Variants in PI4KB observed in about 807,000 individuals in gnomAD.
The protein encoded by PI4KB is phosphatidylinositol 4-kinase beta, also known as PtdIns 4-kinase beta.
PI4KB carries 23 observed loss-of-function variants against 81.4 expected under a neutral mutation model. The observed-to-expected ratio is 0.28, with a 90% CI of 0.20 to 0.40. The LOEUF (loss-of-function observed/expected upper bound fraction) is 0.40, where lower values mean the gene tolerates loss of function less well. PI4KB is among the 10% of genes least tolerant of loss of function. The pLI, the probability that PI4KB is intolerant of heterozygous loss-of-function variation, is 1.00. For synonymous variants in PI4KB, 381 were observed against 406.8 expected (o/e 0.94, Z 0.76); for missense variants, 651 against 1,036.6 (o/e 0.63, Z 5.11).
intron 1 of PI4KB, among the ~76,000 whole-genome samples, 173 bp downstream of exon 1, chr1:151,327,098 G>T (rs1002403692): frequency 2.0e-5 from 3 of 152,136 alleles, no homozygotes; most frequent in Non-Finnish European, 2.9e-5. Flanking sequence ...AGCGGAGGAG[G>T]ACCCCAGGCC....
At chr1:151,300,217 T>C (rs1157489278) in intron 8 of PI4KB, among the ~76,000 whole-genome samples, 2 of 152,244 alleles carry the variant, frequency 1.3e-5, no homozygotes, top group Non-Finnish European at 2.9e-5. Context: ...AAATTGGTCT[T>C]CCATGTGCCT....
chr1:151,305,455 C>T (rs1695677611), intron 5 of PI4KB, among the ~76,000 whole-genome samples: 1 of 152,204 alleles, frequency 6.6e-6, no homozygotes, highest in South Asian at 2.1e-4. Context: ...CTTTCAATTC[C>T]TATAATGGCC....
At position 151,303,536 on chromosome 1, in the gene PI4KB, C is replaced by T; in HGVS notation, c.1520+5G>A. ...AAAATGAGGGGCAATGTGATCTGGC[C>T]ATACCGGATGTCCCCTGCTGCAATG... On this transcript the variant is annotated splice_donor_5th_base_variant and intron_variant, in intron 6 of 11. Coordinates refer to ENST00000368873, the MANE Select transcript of PI4KB (RefSeq NM_001369623.2). 1 of 1,573,028 alleles carries T rather than the reference C, an allele frequency of 6.4e-7. No individual in the cohort carries two copies. The highest frequency in any genetic ancestry group is 8.8e-7 in the Non-Finnish European group (1 of 1,142,566).
In PI4KB at chr1:151,316,085, G is replaced by A; in HGVS notation, c.397C>T (p.Leu133=). Reference sequence around the variant, plus strand: ...ATGTCAAACAGTTTTGACTCAAACAGCCTCAGCAGCCAAGACTGTTTAGCT... The same window carrying A: ...ATGTCAAACAGTTTTGACTCAAACAACCTCAGCAGCCAAGACTGTTTAGCT... The part of the protein sequence containing the change: ...NSAKQSWLLR[L]FESKLFDISM... The change falls in exon 2 of 12, where the codon CTG becomes TTG. Residue 133 remains leucine, a synonymous_variant. Coordinates refer to ENST00000368873, the MANE Select transcript of PI4KB (RefSeq NM_001369623.2). 1 of 1,614,132 alleles carries A rather than the reference G, an allele frequency of 6.2e-7. No individual in the cohort carries two copies. The highest frequency in any genetic ancestry group is 8.5e-7 in the Non-Finnish European group (1 of 1,180,032).
At chr1:151,294,245 TC>T in intron 10 of PI4KB, 107 bp from the exon 11 acceptor site, 2 of 1,500,328 alleles carry the variant, frequency 1.3e-6, no homozygotes. Context: ...CCCTGTTATT[TC>T]CCCCTTCCTT....
chr1:151,293,248 G>A (rs1443366222), intron 11 of PI4KB: 1 of 985,202 alleles, frequency 1.0e-6, no homozygotes, highest in Non-Finnish European at 1.2e-6. Flanking sequence ...GAGGGCATGT[G>A]GGCAGAGGAA....
chr1:151,318,869 A>C (rs1014922371), intron 1 of PI4KB, among the ~76,000 whole-genome samples: 2 of 152,152 alleles, frequency 1.3e-5, no homozygotes, highest in African/African-American at 4.8e-5. Context: ...GGCAGCTCTA[A>C]AACAACCATC....
Position 151,316,583 on chromosome 1 carries a change from G to C in PI4KB, c.-28-74C>G, listed in dbSNP as rs150626797. 8.7e-5 allele frequency: 94 copies of C among 1,081,226 alleles called. 1 individual carries two copies. In the African/African-American group the frequency reaches 1.2e-3, roughly 14 times the overall value. 67.0% of individuals were successfully genotyped at this position (1,081,226 alleles called of 1,614,324 possible). On this transcript the variant is annotated intron_variant, in intron 1 of 11. Coordinates refer to ENST00000368873, the MANE Select transcript of PI4KB (RefSeq NM_001369623.2). Reference sequence around the variant, plus strand: ...ACATTGGTTAGTGGTGCCATCCTCAGATCTTCCCTTTGCTATGACACCTTC... The same window carrying C: ...ACATTGGTTAGTGGTGCCATCCTCACATCTTCCCTTTGCTATGACACCTTC...
upstream of PI4KB, chr1:151,327,675 G>A: frequency 6.0e-6 from 2 of 332,384 alleles, no homozygotes; most frequent in Admixed American, 4.9e-5. Flanking sequence ...CGGGTGAGCT[G>A]CCTGGAACAT....
intron 1 of PI4KB, chr1:151,324,928 A>T (rs1467479637): frequency 1.0e-6 from 1 of 983,452 alleles, no homozygotes; most frequent in East Asian, 1.1e-4. Flanking sequence ...CTAAGAAGAA[A>T]GCAGGGAAAT....
chr1:151,322,429 A>G (rs565246629), intron 1 of PI4KB, among the ~76,000 whole-genome samples: 1 of 152,180 alleles, frequency 6.6e-6, no homozygotes, highest in Non-Finnish European at 1.5e-5. Flanking sequence ...ATTCCAGGCA[A>G]ACAACTTTCT....
Position 151,315,738 on chromosome 1 carries a change from A to G in PI4KB, c.744T>C (p.Ala248=). 2 of 1,613,908 alleles carry G rather than the reference A, an allele frequency of 1.2e-6. No homozygotes were observed. The highest frequency in any genetic ancestry group is 1.7e-6 in the Non-Finnish European group (2 of 1,179,922). The change falls in exon 2 of 12, where the codon GCT becomes GCC. Residue 248 remains alanine (A), a synonymous_variant. Coordinates refer to ENST00000368873, the MANE Select transcript of PI4KB (RefSeq NM_001369623.2). ...KLILSDELKP[A]HRKRELPSLS... is the part of the protein sequence containing the mutation. ...AGGAGGGCAGCTCCCTCTTCCTGTG[A>G]GCTGGCTTTAGCTCATCTGAGAGGA...
At chr1:151,316,724 T>C (rs554275865) in intron 1 of PI4KB, among the ~76,000 whole-genome samples, 5 of 152,258 alleles carry the variant, frequency 3.3e-5, no homozygotes, top group African/African-American at 7.2e-5. Flanking sequence ...TCATTCCTCC[T>C]GTAGTTACTC....
chr1:151,322,463 T>C (rs960094146), intron 1 of PI4KB, among the ~76,000 whole-genome samples: 1 of 152,164 alleles, frequency 6.6e-6, no homozygotes, highest in Non-Finnish European at 1.5e-5. Context: ...AAAGGACTTA[T>C]TGGATCAGTC....
rs1244433898 is a variant in PI4KB, at chr1:151,326,312, G to C, written c.-29+959C>G. The stretch of plus-strand genomic sequence containing the variant: ...CACCCTTCTGTCCTGAACGGCCTGA[G>C]GCAGCTGAGGCTCCCCCTGCTCACA... On this transcript the variant is annotated intron_variant, in intron 1 of 11. Transcript: ENST00000368873. 5.3e-6 allele frequency: 4 copies of C among 756,836 alleles called. No individual in the cohort carries two copies. In the East Asian group the frequency reaches 8.0e-5, roughly 15 times the overall value. The allele number at this position is 756,836 out of a possible 1,614,324, so 46.9% of individuals were successfully genotyped here.
At chr1:151,293,595 A>C in intron 11 of PI4KB, 1 of 327,532 alleles carries the variant, frequency 3.1e-6, no homozygotes, top group Non-Finnish European at 6.1e-6. Context: ...GCAAGACTGT[A>C]GTGGAAGGAG....
At chr1:151,297,347 A>ATT (rs1234220289) in intron 9 of PI4KB, among the ~76,000 whole-genome samples, 10 of 133,360 alleles carry the variant, frequency 7.5e-5, no homozygotes, top group Non-Finnish European at 8.1e-5. Flanking sequence ...TGTTGGCTAG[A>ATT]TTTTTTTTTT....
chr1:151,308,242 G>A (rs1388483574), intron 3 of PI4KB, among the ~76,000 whole-genome samples: 3 of 152,184 alleles, frequency 2.0e-5, no homozygotes, highest in Non-Finnish European at 4.4e-5. Context: ...GATCTCTGCC[G>A]AGGGGCTCCG....
intron 3 of PI4KB, 52 bp from the exon 4 acceptor site, chr1:151,307,853 A>G (rs1695914549): frequency 7.5e-7 from 1 of 1,339,122 alleles, no homozygotes; most frequent in Non-Finnish European, 1.1e-6. Context: ...ATAGAATACA[A>G]TGGCACACCC....
Sources: gnomAD v4.1 joint callset for allele counts (sites outside exome capture counted in the v4.1 genomes callset) on GRCh38, gnomAD v4.1.1 for gene constraint, MANE v1.5 for transcripts, NCBI Gene and HGNC (gene_info 2026-07-23, HGNC 2026-07-21) for gene names.